LHFPL6: variants seen among roughly 807,000 people sequenced by gnomAD.
LHFPL6 encodes LHFPL tetraspan subfamily member 6 protein.
In LHFPL6, 9 loss-of-function variants were observed where a neutral mutation model predicts 20.6. The ratio of observed to expected loss-of-function variants is 0.44; its 90% CI spans 0.26 to 0.76. The LOEUF (loss-of-function observed/expected upper bound fraction) is 0.76. Among genes scored for constraint, LHFPL6 ranks in the 30% least tolerant of loss-of-function variants. LHFPL6 has a pLI of 0.20. For missense variants in LHFPL6, 218 were observed against 253.5 expected, an observed-to-expected ratio of 0.86 and a Z score of 0.95; for synonymous variants, 105 against 98.7, an observed-to-expected ratio of 1.06 and a Z score of -0.38.
intron 2 of LHFPL6, among the ~76,000 whole-genome samples, chr13:39,562,569 C>CATATACATATATACACATATACATAT (rs67177911): frequency 2.1e-5 from 2 of 93,050 alleles, no homozygotes; most frequent in Non-Finnish European, 2.5e-5. Flanking sequence ...TACATATACA[C>CATATACATATATACACATATACATAT]ATACATATAT....
At chr13:39,476,084 T>C (rs1464549328) in intron 2 of LHFPL6, among the ~76,000 whole-genome samples, 1 of 152,232 alleles carries the variant, frequency 6.6e-6, no homozygotes, top group Non-Finnish European at 1.5e-5. Context: ...AAACTGAGTA[T>C]TTACTATTTC....
intron 2 of LHFPL6, among the ~76,000 whole-genome samples, chr13:39,501,997 T>C (rs569398875): frequency 6.6e-6 from 1 of 152,342 alleles, no homozygotes; most frequent in East Asian, 1.9e-4. Flanking sequence ...GCAGTACAAC[T>C]AATTGTTCAT....
rs572658445 is a variant in LHFPL6 at position 39,540,608 on chromosome 13, A to T, written c.385+60224T>A. Among the ~76,000 whole-genome samples the T allele has an allele frequency of 3.1e-4, 47 of 152,294 alleles. No homozygotes were observed. The South Asian group carries it at 9.3e-3, about 30-fold the overall frequency. On this transcript the variant is annotated intron_variant, in intron 2 of 3. Coordinates refer to ENST00000379589, the MANE Select transcript of LHFPL6 (RefSeq NM_005780.3). ...CTGTAATCTGCTTACCATAACAAGT[A>T]TTTAACCCACTGTGTAAGTTTTGGG...
intron 2 of LHFPL6, among the ~76,000 whole-genome samples, chr13:39,494,733 C>T (rs1421588121): frequency 6.6e-6 from 1 of 152,096 alleles, no homozygotes; most frequent in Non-Finnish European, 1.5e-5. Flanking sequence ...GAATTAAGCT[C>T]TATAGTCATT....
chr13:39,400,490 T>G (rs1419653909), intron 2 of LHFPL6, among the ~76,000 whole-genome samples: 2 of 152,132 alleles, frequency 1.3e-5, no homozygotes, highest in Non-Finnish European at 2.9e-5. Context: ...CAGACTACTG[T>G]AAGAATGGCA....
chr13:39,489,206 G>A (rs1233037120), intron 2 of LHFPL6, among the ~76,000 whole-genome samples: 1 of 152,200 alleles, frequency 6.6e-6, no homozygotes, highest in East Asian at 1.9e-4. Flanking sequence ...AATGGTATGA[G>A]AACCTAAATA....
chr13:39,502,492 G>A (rs928580000), intron 2 of LHFPL6, among the ~76,000 whole-genome samples: 13 of 151,036 alleles, frequency 8.6e-5, no homozygotes, highest in African/African-American at 2.9e-4. Context: ...GCATGGTGGC[G>A]CGCCTGTGGT....
chr13:39,385,537 G>A (rs1389341309), intron 2 of LHFPL6, among the ~76,000 whole-genome samples: 3 of 152,234 alleles, frequency 2.0e-5, no homozygotes, highest in Admixed American at 2.0e-4. Flanking sequence ...ACCACCTACA[G>A]GAGCGTTCCT....
chr13:39,390,912 G>T (rs922896535), intron 2 of LHFPL6, among the ~76,000 whole-genome samples: 1 of 152,110 alleles, frequency 6.6e-6, no homozygotes, highest in African/African-American at 2.4e-5. Context: ...CAGGGGAATT[G>T]CTTGAATCAG....
rs1167091182 is a variant in LHFPL6, at chr13:39,601,057, C to T, written c.160G>A (p.Val54Met). The T allele has an allele frequency of 1.9e-6, 3 of 1,614,238 alleles. No homozygotes were observed. Among genetic ancestry groups the T allele is most frequent in the Non-Finnish European group, 1.7e-6 (2 of 1,180,050 alleles). ...FGTFRRCSYP[V>M]HDESRQMMVM... is the part of the protein sequence containing the mutation. The stretch of plus-strand genomic sequence containing the variant: ...ATCATCTGCCGACTCTCATCATGCA[C>T]AGGATATGAGCACCTCCGGAAGGTA... Residue 54 changes from valine to methionine, a missense_variant, in exon 2 of 4, where the codon GTG (valine) becomes ATG (methionine). Val to Met is a conservative substitution (Grantham distance 21). Coordinates refer to ENST00000379589, the MANE Select transcript of LHFPL6 (RefSeq NM_005780.3).
At chr13:39,581,619 T>C (rs1287240497) in intron 2 of LHFPL6, among the ~76,000 whole-genome samples, 2 of 149,448 alleles carry the variant, frequency 1.3e-5, no homozygotes, top group East Asian at 2.0e-4. Context: ...TCTAACTACA[T>C]GGTCACTTCT....
At chr13:39,414,574 T>C (rs535306402) in intron 2 of LHFPL6, among the ~76,000 whole-genome samples, 1 of 150,468 alleles carries the variant, frequency 6.6e-6, no homozygotes, top group East Asian at 2.0e-4. Context: ...TCTGGGACTT[T>C]CTTGGGGTAC....
intron 2 of LHFPL6, among the ~76,000 whole-genome samples, chr13:39,396,072 G>C (rs1352970288): frequency 6.6e-6 from 1 of 152,126 alleles, no homozygotes; most frequent in East Asian, 1.9e-4. Context: ...ATCTAGTTTT[G>C]CAGCTTTTTC....
At chr13:39,526,100 T>C (rs1870278466) in intron 2 of LHFPL6, among the ~76,000 whole-genome samples, 1 of 152,210 alleles carries the variant, frequency 6.6e-6, no homozygotes. Flanking sequence ...ACATGCATTA[T>C]CATATCCCCA....
intron 2 of LHFPL6, among the ~76,000 whole-genome samples, chr13:39,554,882 G>A (rs1200305255): frequency 2.0e-5 from 3 of 152,162 alleles, no homozygotes; most frequent in Admixed American, 1.3e-4. Flanking sequence ...ATTTTTGACA[G>A]CATGGCATAT....
chr13:39,497,185 A>C (rs2138459912), intron 2 of LHFPL6, among the ~76,000 whole-genome samples: 1 of 152,348 alleles, frequency 6.6e-6, no homozygotes, highest in East Asian at 1.9e-4. Flanking sequence ...CAACAGGCAG[A>C]CTGAAGGCAT....
intron 2 of LHFPL6, among the ~76,000 whole-genome samples, chr13:39,562,059 A>G (rs1395820228): frequency 1.3e-5 from 2 of 152,188 alleles, no homozygotes; most frequent in African/African-American, 2.4e-5. Flanking sequence ...TATAAATAAG[A>G]ACAAATATTT....
At chr13:39,531,657 A>G (rs1352386521) in intron 2 of LHFPL6, among the ~76,000 whole-genome samples, 1 of 152,194 alleles carries the variant, frequency 6.6e-6, no homozygotes, top group Admixed American at 6.5e-5. Flanking sequence ...GCAGCTTCCC[A>G]TCAGCCCCTG....
At chr13:39,435,669 C>T (rs907871541) in intron 2 of LHFPL6, among the ~76,000 whole-genome samples, 4 of 152,176 alleles carry the variant, frequency 2.6e-5, no homozygotes, top group South Asian at 2.1e-4. Context: ...CAGCGAAATA[C>T]GAAGAACTCA....
Sources: gnomAD v4.1 joint callset for allele counts (sites outside exome capture counted in the v4.1 genomes callset) on GRCh38, gnomAD v4.1.1 for gene constraint, MANE v1.5 for transcripts, NCBI Gene and HGNC (gene_info 2026-07-23, HGNC 2026-07-21) for gene names.